COL4A2: variants seen among roughly 807,000 people sequenced by gnomAD.
COL4A2 encodes collagen type IV alpha 2 chain, also known as collagen alpha-2(IV) chain.
In COL4A2, 99 loss-of-function variants were observed where a neutral mutation model predicts 200.2. The observed-to-expected ratio is 0.49, with a 90% CI of 0.42 to 0.58. The LOEUF (loss-of-function observed/expected upper bound fraction) is 0.58, where lower values mean the gene tolerates loss of function less well. COL4A2 is among the 20% of genes least tolerant of loss of function. The pLI, the probability that COL4A2 is intolerant of heterozygous loss-of-function variation, is 0.00. For missense variants in COL4A2, 1,950 were observed against 2,314.1 expected, an observed-to-expected ratio of 0.84 and a Z score of 3.23; for synonymous variants, 897 against 900.6, an observed-to-expected ratio of 1.00 and a Z score of 0.07.
At chr13:110,345,615 G>A (rs2139375670) in intron 3 of COL4A2, among the ~76,000 whole-genome samples, 1 of 152,216 alleles carries the variant, frequency 6.6e-6, no homozygotes, top group Non-Finnish European at 1.5e-5. Flanking sequence ...AACCTGATAT[G>A]GGCTCTCAAC....
intron 4 of COL4A2, among the ~76,000 whole-genome samples, chr13:110,416,883 C>G (rs1880059778): frequency 1.3e-5 from 2 of 152,204 alleles, no homozygotes; most frequent in Non-Finnish European, 2.9e-5. Flanking sequence ...GTGTCCCAGA[C>G]AGTTTTCGAA....
chr13:110,394,535 A>T (rs1879119956), intron 4 of COL4A2, among the ~76,000 whole-genome samples: 2 of 152,032 alleles, frequency 1.3e-5, no homozygotes, highest in South Asian at 4.1e-4. Flanking sequence ...CATGACCCGT[A>T]CCCCAGTTGT....
intron 3 of COL4A2, among the ~76,000 whole-genome samples, chr13:110,334,171 G>A (rs1036779223): frequency 2.0e-5 from 3 of 152,254 alleles, no homozygotes; most frequent in Admixed American, 6.5e-5. Context: ...CGCACAGTCA[G>A]TGCCTCTCTT....
chr13:110,323,697 C>G (rs1885336572), intron 3 of COL4A2, among the ~76,000 whole-genome samples: 1 of 152,186 alleles, frequency 6.6e-6, no homozygotes, highest in African/African-American at 2.4e-5. Context: ...AAGCACAGGC[C>G]CCAGGTGGCT....
At chr13:110,510,087 A>G (rs527663824) in intron 47 of COL4A2, among the ~76,000 whole-genome samples, 55 of 152,226 alleles carry the variant, frequency 3.6e-4, no homozygotes, top group Non-Finnish European at 7.1e-4. Flanking sequence ...GCATAATAAG[A>G]GCTGACTTTG....
intron 4 of COL4A2, among the ~76,000 whole-genome samples, chr13:110,397,757 G>T (rs546971320): frequency 3.9e-5 from 6 of 152,314 alleles, no homozygotes; most frequent in African/African-American, 7.2e-5. Flanking sequence ...GGGTATGAGG[G>T]CAGGAGAAAG....
chr13:110,494,057 C>T (rs183855436), intron 39 of COL4A2, among the ~76,000 whole-genome samples: 5 of 127,408 alleles, frequency 3.9e-5, no homozygotes, highest in Admixed American at 3.3e-4. Context: ...GCAAGGTGAA[C>T]CAAGGGCTTC....
intron 27 of COL4A2, among the ~76,000 whole-genome samples, 160 bp downstream of exon 27, chr13:110,467,256 C>G (rs1882281779): frequency 6.6e-6 from 1 of 152,216 alleles, no homozygotes; most frequent in East Asian, 1.9e-4. Context: ...CTACAGGGAG[C>G]CCACTGTCAT....
At chr13:110,331,501 G>A (rs568073493) in intron 3 of COL4A2, among the ~76,000 whole-genome samples, 9 of 152,300 alleles carry the variant, frequency 5.9e-5, no homozygotes, top group Non-Finnish European at 1.2e-4. Flanking sequence ...TCGTTACTGG[G>A]CCGCTGACTT....
chr13:110,467,629 G>A (rs1313234941), intron 27 of COL4A2, among the ~76,000 whole-genome samples: 2 of 152,260 alleles, frequency 1.3e-5, no homozygotes, highest in African/African-American at 4.8e-5. Flanking sequence ...CAGAGCCCAT[G>A]CCTAAGGCCG....
chr13:110,348,029 T>C (rs1251627092), intron 3 of COL4A2, among the ~76,000 whole-genome samples: 1 of 152,234 alleles, frequency 6.6e-6, no homozygotes, highest in African/African-American at 2.4e-5. Context: ...GAAGGACGTC[T>C]GTCTTCCTAA....
At chr13:110,374,108 G>A (rs1411267103) in intron 4 of COL4A2, among the ~76,000 whole-genome samples, 1 of 152,132 alleles carries the variant, frequency 6.6e-6, no homozygotes, top group Non-Finnish European at 1.5e-5. Context: ...AGGAGAAAAC[G>A]ATGGCCCGTT....
chr13:110,308,035 C>A, intron 2 of COL4A2, 34 bp from the exon 3 acceptor site: 3 of 1,611,866 alleles, frequency 1.9e-6, no homozygotes, highest in African/African-American at 1.3e-5. Flanking sequence ...CGGGCCCGCA[C>A]GTTCACGTCT....
intron 4 of COL4A2, among the ~76,000 whole-genome samples, chr13:110,399,502 TTGCATCTC>T (rs1336177760): frequency 2.6e-5 from 4 of 152,342 alleles, no homozygotes; most frequent in Non-Finnish European, 5.9e-5. Flanking sequence ...ACCTAAAGTC[TTGCATCTC>T]TGAACCACTT....
chr13:110,476,539 G>A (rs1029605366), intron 29 of COL4A2, among the ~76,000 whole-genome samples: 6 of 152,164 alleles, frequency 3.9e-5, no homozygotes, highest in African/African-American at 1.4e-4. Flanking sequence ...AAGACTGACC[G>A]GGTCCCTTTT....
At chr13:110,445,395 G>T (rs985987199) in intron 16 of COL4A2, among the ~76,000 whole-genome samples, 4 of 152,158 alleles carry the variant, frequency 2.6e-5, no homozygotes, top group African/African-American at 7.2e-5. Context: ...TGCACCTAGG[G>T]CAGCCTCCAG....
At chr13:110,447,550 C>T (rs907337773) in intron 18 of COL4A2, among the ~76,000 whole-genome samples, 1 of 152,110 alleles carries the variant, frequency 6.6e-6, no homozygotes, top group Non-Finnish European at 1.5e-5. Context: ...GTAGAATGCG[C>T]ATCCTTCTAG....
At chr13:110,499,825 C>T (rs1014854270) in intron 40 of COL4A2, among the ~76,000 whole-genome samples, 12 of 152,206 alleles carry the variant, frequency 7.9e-5, no homozygotes, top group African/African-American at 2.9e-4. Context: ...ATTATGTTTT[C>T]GTGGGAATCT....
intron 3 of COL4A2, among the ~76,000 whole-genome samples, chr13:110,348,961 C>T (rs180779361): frequency 4.6e-5 from 7 of 152,094 alleles, no homozygotes; most frequent in African/African-American, 1.7e-4. Context: ...TTTGTTCTTG[C>T]GATTCATATA....
Sources: allele counts gnomAD v4.1 joint callset (sites outside exome capture counted in the v4.1 genomes callset), GRCh38; gene constraint gnomAD v4.1.1; transcripts MANE v1.5; gene names NCBI Gene and HGNC (gene_info 2026-07-23, HGNC 2026-07-21).